Variants in CELF2 observed in about 807,000 individuals in gnomAD.
The protein encoded by CELF2 is CUG triplet repeat RNA-binding protein 2.
CELF2 carries 8 observed loss-of-function variants against 62.6 expected under a neutral mutation model. The observed-to-expected ratio is 0.13, with a 90% CI of 0.07 to 0.23. The LOEUF is 0.23. CELF2 is among the 10% of genes least tolerant of loss of function. The probability of loss-of-function intolerance (pLI) is 1.00; values close to 1 mark genes in which losing one functional copy is unlikely to be tolerated. For missense variants in CELF2, 333 were observed against 671.0 expected (o/e 0.50, Z 5.56); for synonymous variants, 258 against 250.0 (o/e 1.03, Z -0.30).
chr10:11,017,896 T>A lies in CELF2; in HGVS notation c.-194T>A. 1 of 963,122 alleles carries A rather than the reference T, an allele frequency of 1.0e-6. No homozygotes were observed. Among genetic ancestry groups the A allele is most frequent in the East Asian group, 1.2e-4 (1 of 8,686 alleles). 59.7% of individuals were successfully genotyped at this position (963,122 alleles called of 1,614,324 possible). ...CGCCCCCGCCCGCCGCACCTGGCGCTCGGCAGCCGGCCGCCCCGGCGCTGG... is the reference window on the plus strand; with the variant it reads ...CGCCCCCGCCCGCCGCACCTGGCGCACGGCAGCCGGCCGCCCCGGCGCTGG... On this transcript the variant is annotated 5_prime_UTR_variant, in exon 1 of 13. Transcript: ENST00000633077. This position sits in a 1 kb window ranked among gnomAD's most constrained non-coding sequence, Gnocchi z 5.5.
chr10:11,143,182 A>G (rs7073803), intron 1 of CELF2, among the ~76,000 whole-genome samples: 41,076 of 152,004 alleles, frequency 0.27, 6,602 homozygotes, highest in East Asian at 0.76. Context: ...TTTCCATTCC[A>G]TATCTCTTGG....
the CELF2 span, among the ~76,000 whole-genome samples, chr10:10,470,239 CG>C: frequency 1.3e-5 from 2 of 151,742 alleles, no homozygotes; most frequent in South Asian, 4.2e-4. Context: ...GTATCTCTAC[CG>C]TCATCCTTAG....
chr10:10,788,506 A>C, the CELF2 span, among the ~76,000 whole-genome samples: 2 of 117,728 alleles, frequency 1.7e-5, no homozygotes, highest in African/African-American at 6.8e-5. Flanking sequence ...TCTGTCACCC[A>C]GGCTGGAGTG....
rs1480656896 is a variant in CELF2, at chr10:11,207,613, C to A, written c.272-9812C>A. Among the ~76,000 whole-genome samples the A allele has an allele frequency of 6.6e-6, 1 of 152,222 alleles. No homozygotes were observed. The highest frequency in any genetic ancestry group is 2.4e-5 in the African/African-American group (1 of 41,454). ...GAGGGCGGTGCGGGTCCCACGCTGC[C>A]AGTGTAAGTTTCCCAGGGGAATTCC... On this transcript the variant is annotated intron_variant, in intron 2 of 12. Transcript: ENST00000633077. This position sits in a 1 kb window ranked among gnomAD's most constrained non-coding sequence, Gnocchi z 4.1.
chr10:10,666,919 A>G, the CELF2 span, among the ~76,000 whole-genome samples: 85 of 149,568 alleles, frequency 5.7e-4, no homozygotes, highest in African/African-American at 8.4e-4. Context: ...CCTTTAGCCT[A>G]TTTTCAGTGG....
the CELF2 span, among the ~76,000 whole-genome samples, chr10:10,624,330 T>C: frequency 0.035 from 5,293 of 152,298 alleles, 203 homozygotes; most frequent in African/African-American, 0.098. Flanking sequence ...TAGCCTTTTG[T>C]CTTTGTTCCA....
intron 1 of CELF2, among the ~76,000 whole-genome samples, chr10:10,810,840 C>T (rs1014199325): frequency 6.6e-6 from 1 of 152,168 alleles, no homozygotes; most frequent in Non-Finnish European, 1.5e-5. Context: ...CAAAAAGGGG[C>T]TTTCAGATGG....
upstream of CELF2, among the ~76,000 whole-genome samples, chr10:11,016,091 T>A (rs1271821994): frequency 6.6e-6 from 1 of 152,250 alleles, no homozygotes; most frequent in Non-Finnish European, 1.5e-5. The surrounding 1 kb of genome is among the most constrained non-coding windows in gnomAD (Gnocchi z 5.2). Flanking sequence ...TTATATACAT[T>A]AGATATTTAT....
intron 1 of CELF2, among the ~76,000 whole-genome samples, chr10:10,865,124 C>T (rs1414067731): frequency 1.3e-5 from 2 of 152,100 alleles, no homozygotes; most frequent in African/African-American, 2.4e-5. Flanking sequence ...AATCACTAAA[C>T]AGAATCACCA....
the CELF2 span, among the ~76,000 whole-genome samples, chr10:10,577,605 C>T: frequency 0.013 from 1,915 of 150,906 alleles, 38 homozygotes; most frequent in African/African-American, 0.043. Context: ...TGAGAACATG[C>T]GGTGTTTGTT....
intron 2 of CELF2, among the ~76,000 whole-genome samples, chr10:10,962,241 C>T (rs2049594193): frequency 1.3e-5 from 2 of 152,364 alleles, no homozygotes; most frequent in South Asian, 4.1e-4. Flanking sequence ...CACAGCACCA[C>T]AGCACCACAT....
chr10:11,099,884 C>CAAAAAA (rs869282674), intron 1 of CELF2, among the ~76,000 whole-genome samples: 1 of 93,518 alleles, frequency 1.1e-5, no homozygotes, highest in Non-Finnish European at 2.2e-5. Flanking sequence ...ACAACAACAA[C>CAAAAAA]AAAAAAAAAA....
rs146636303 is a variant in CELF2 at position 10,841,061 on chromosome 10, G to T, written c.53+42244G>T. 3.3e-3 allele frequency among the ~76,000 whole-genome samples: 501 copies of T among 152,250 alleles called. 3 individuals carry two copies. The highest frequency in any genetic ancestry group is 0.012 in the African/African-American group (484 of 41,528). On this transcript the variant is annotated intron_variant, in intron 1 of 13. Transcript: ENST00000636488. ...ACTGCATAATATTCCTGTTGTATAT[G>T]TGCCACATTTTCTTTATCCAGTCTG...
chr10:10,896,804 G>C (rs975944107), intron 1 of CELF2, among the ~76,000 whole-genome samples: 1 of 152,266 alleles, frequency 6.6e-6, no homozygotes, highest in Admixed American at 6.5e-5. Flanking sequence ...TTGTTTGAAG[G>C]CACCTTGTTT....
intron 1 of CELF2, among the ~76,000 whole-genome samples, chr10:11,006,532 G>T (rs887688904): frequency 5.3e-5 from 8 of 152,170 alleles, no homozygotes; most frequent in African/African-American, 1.7e-4. Flanking sequence ...TGCCTCTATG[G>T]TATTTAAAGC....
At chr10:11,029,422 T>C (rs906824916) in intron 1 of CELF2, among the ~76,000 whole-genome samples, 8 of 152,230 alleles carry the variant, frequency 5.3e-5, no homozygotes, top group Non-Finnish European at 1.0e-4. Flanking sequence ...AGATTCTGTT[T>C]GGAAGCCTAA....
chr10:10,913,197 C>T (rs2063964816), intron 1 of CELF2, among the ~76,000 whole-genome samples: 1 of 152,002 alleles, frequency 6.6e-6, no homozygotes, highest in South Asian at 2.1e-4. Flanking sequence ...AGAATGAAAA[C>T]ATAGTGATGA....
the CELF2 span, among the ~76,000 whole-genome samples, chr10:10,739,038 C>A: frequency 3.9e-5 from 6 of 151,946 alleles, no homozygotes; most frequent in Non-Finnish European, 7.4e-5. Context: ...AAATTAAAGT[C>A]TATTTAAAAG....
the CELF2 span, among the ~76,000 whole-genome samples, chr10:10,574,832 C>G: frequency 1.3e-5 from 2 of 150,978 alleles, no homozygotes; most frequent in Non-Finnish European, 2.9e-5. Context: ...GCCTCAGCCT[C>G]CTGACTAGCT....
Sources: gnomAD v4.1 joint callset for allele counts (sites outside exome capture counted in the v4.1 genomes callset) on GRCh38, gnomAD v4.1.1 for gene constraint, Gnocchi (gnomAD v3.1) non-coding constraint, MANE v1.5 for transcripts, NCBI Gene and HGNC (gene_info 2026-07-23, HGNC 2026-07-21) for gene names.